SCFD1: variants seen among roughly 807,000 people sequenced by gnomAD.
SCFD1 encodes the protein sec1 family domain-containing protein 1.
SCFD1 carries 37 observed loss-of-function variants against 103.2 expected under a neutral mutation model. The observed-to-expected ratio is 0.36, with a 90% CI of 0.28 to 0.47. The LOEUF is 0.47. Ranked by LOEUF, SCFD1 falls within the 20% of genes least tolerant of loss-of-function variation. The pLI, the probability that SCFD1 is intolerant of heterozygous loss-of-function variation, is 1.00. For missense variants in SCFD1, 639 were observed against 761.2 expected, an observed-to-expected ratio of 0.84 and a Z score of 1.89; for synonymous variants, 264 against 245.0, an observed-to-expected ratio of 1.08 and a Z score of -0.73.
intron 16 of SCFD1, among the ~76,000 whole-genome samples, chr14:30,700,730 G>C (rs990236028): frequency 6.6e-6 from 1 of 152,110 alleles, no homozygotes; most frequent in African/African-American, 2.4e-5. Context: ...TCTATGTACT[G>C]CTGTGTTTTA....
chr14:30,714,264 G>A (rs1892109788), intron 19 of SCFD1, among the ~76,000 whole-genome samples: 1 of 151,380 alleles, frequency 6.6e-6, no homozygotes, highest in African/African-American at 2.4e-5. Flanking sequence ...TGAGGCAGGA[G>A]AACGGCGTGA....
chr14:30,729,738 G>A (rs569416964), intron 23 of SCFD1, among the ~76,000 whole-genome samples: 198 of 152,256 alleles, frequency 1.3e-3, no homozygotes, highest in African/African-American at 4.5e-3. Flanking sequence ...TCAGTTTGGG[G>A]AGTATTTTCA....
At chr14:30,657,666 T>G (rs1479266912) in intron 10 of SCFD1, among the ~76,000 whole-genome samples, 1 of 152,168 alleles carries the variant, frequency 6.6e-6, no homozygotes, top group Non-Finnish European at 1.5e-5. Flanking sequence ...AACTGAGATG[T>G]CATAAATTAT....
Position 30,702,302 on chromosome 14 carries a change from T to C in SCFD1, c.1417T>C (p.Leu473=). ...STQQAPSEAD[L]EQYKKALTDA... is the part of the protein sequence containing the mutation. ...AGTTCTTTTCTTATTTCAGGCTGAT[T>C]TGGAGCAATATAAAAAAGCTTTAAC... The change falls in exon 17 of 25, where the codon TTG becomes CTG. Residue 473 remains leucine (L), a synonymous_variant. Transcript: ENST00000458591. The C allele has an allele frequency of 6.3e-7, 1 of 1,594,738 alleles. No individual in the cohort carries two copies. The highest frequency in any genetic ancestry group is 8.6e-7 in the Non-Finnish European group (1 of 1,169,470).
intron 14 of SCFD1, among the ~76,000 whole-genome samples, chr14:30,680,297 G>C (rs1340250022): frequency 6.6e-6 from 1 of 152,198 alleles, no homozygotes; most frequent in Non-Finnish European, 1.5e-5. Context: ...GGGTTCCCCA[G>C]AGAACAGAAC....
intron 14 of SCFD1, among the ~76,000 whole-genome samples, chr14:30,692,205 G>A (rs563395726): frequency 1.2e-4 from 19 of 152,008 alleles, no homozygotes; most frequent in South Asian, 2.1e-4. Context: ...TATACACCCC[G>A]TTCTTAGTTT....
intron 14 of SCFD1, chr14:30,683,182 T>C (rs1252031754): frequency 9.1e-7 from 1 of 1,097,634 alleles, no homozygotes; most frequent in Non-Finnish European, 1.4e-6. Context: ...AGGCTGGAGA[T>C]GGAGAGTGTT....
At chr14:30,697,982 A>G (rs1040998570) in intron 15 of SCFD1, among the ~76,000 whole-genome samples, 1 of 152,204 alleles carries the variant, frequency 6.6e-6, no homozygotes, top group Non-Finnish European at 1.5e-5. Flanking sequence ...TGTGTCATGT[A>G]GTATATCACA....
intron 2 of SCFD1, among the ~76,000 whole-genome samples, chr14:30,628,997 A>T (rs1336363865): frequency 6.6e-6 from 1 of 152,158 alleles, no homozygotes; most frequent in African/African-American, 2.4e-5. Flanking sequence ...GTCTGTATTG[A>T]TTTCATAGTT....
chr14:30,697,040 A>T (rs2139321761), intron 15 of SCFD1, among the ~76,000 whole-genome samples: 1 of 152,228 alleles, frequency 6.6e-6, no homozygotes, highest in African/African-American at 2.4e-5. Context: ...ATCTGTTCAG[A>T]TACAGAAATA....
intron 4 of SCFD1, among the ~76,000 whole-genome samples, chr14:30,636,386 C>T (rs1884723294): frequency 6.6e-6 from 1 of 151,850 alleles, no homozygotes; most frequent in South Asian, 2.1e-4. Flanking sequence ...TCTTGATTCC[C>T]CTTTGCATTA....
chr14:30,715,351 A>G (rs1488034643), intron 19 of SCFD1: 1 of 152,106 alleles, frequency 6.6e-6, no homozygotes, highest in Non-Finnish European at 1.5e-5. Context: ...GAAGCTGATC[A>G]CCTAAGGTCA....
At chr14:30,674,894 G>A in intron 13 of SCFD1, 90 bp from the exon 14 acceptor site, 1 of 653,280 alleles carries the variant, frequency 1.5e-6, no homozygotes, top group Non-Finnish European at 2.6e-6. Flanking sequence ...ACTGTTCTGA[G>A]TTTCCACAGG....
rs1886608768 is a variant in SCFD1 at position 30,653,606 on chromosome 14, G to A, written c.855+18G>A. 2 of 1,487,856 alleles carry A rather than the reference G, an allele frequency of 1.3e-6. No homozygotes were observed. The highest frequency in any genetic ancestry group is 1.9e-6 in the Non-Finnish European group (2 of 1,070,818). The allele number at this position is 1,487,856 out of a possible 1,614,324, so 92.2% of individuals were successfully genotyped here. On this transcript the variant is annotated intron_variant, in intron 10 of 24. Transcript: ENST00000458591. The stretch of plus-strand genomic sequence containing the variant: ...ATGTACTGGTAAGAGACTAAATGCA[G>A]CACTTATTACTGAAATATAGTAACA...
At chr14:30,728,249 A>G (rs1893192050) in intron 23 of SCFD1, among the ~76,000 whole-genome samples, 1 of 152,124 alleles carries the variant, frequency 6.6e-6, no homozygotes, top group African/African-American at 2.4e-5. Flanking sequence ...GTCTCTCATT[A>G]CCACTTTGAA....
intron 9 of SCFD1, 91 bp from the exon 10 acceptor site, chr14:30,653,398 C>G: frequency 1.3e-6 from 1 of 789,564 alleles, no homozygotes; most frequent in Non-Finnish European, 2.1e-6. Flanking sequence ...TTATTCATAT[C>G]AAAATGGCAT....
chr14:30,650,110 A>C (rs1431214076), intron 8 of SCFD1, among the ~76,000 whole-genome samples: 1 of 152,220 alleles, frequency 6.6e-6, no homozygotes, highest in East Asian at 1.9e-4. Flanking sequence ...TATTAGCCCA[A>C]GTGAATTACT....
At chr14:30,733,106 A>G (rs1043219735) in intron 23 of SCFD1, among the ~76,000 whole-genome samples, 19 of 151,568 alleles carry the variant, frequency 1.3e-4, no homozygotes, top group East Asian at 1.2e-3. Flanking sequence ...CCCGAGTTCA[A>G]TCAATCAGTT....
At chr14:30,634,915 T>C (rs753262324) in intron 4 of SCFD1, 83 of 455,916 alleles carry the variant, frequency 1.8e-4, no homozygotes, top group Admixed American at 7.1e-5. Context: ...TATTTATTTC[T>C]CACTAGGTAG....
Sources: allele counts gnomAD v4.1 joint callset (sites outside exome capture counted in the v4.1 genomes callset), GRCh38; gene constraint gnomAD v4.1.1; transcripts MANE v1.5; gene names NCBI Gene and HGNC (gene_info 2026-07-23, HGNC 2026-07-21).